Variants in SORCS1 observed in about 807,000 individuals in gnomAD.
SORCS1 encodes sortilin related VPS10 domain containing receptor 1, also known as VPS10 domain-containing receptor SorCS1.
In SORCS1, 60 loss-of-function variants were observed where a neutral mutation model predicts 146.1. The ratio of observed to expected loss-of-function variants is 0.41; its 90% CI spans 0.33 to 0.51. The LOEUF (loss-of-function observed/expected upper bound fraction) is 0.51, where lower values mean the gene tolerates loss of function less well. Among genes scored for constraint, SORCS1 ranks in the 20% least tolerant of loss-of-function variants. The probability of loss-of-function intolerance (pLI) is 0.21; values close to 1 mark genes in which losing one functional copy is unlikely to be tolerated. For synonymous variants in SORCS1, 637 were observed against 584.0 expected (o/e 1.09, Z -1.31); for missense variants, 1,352 against 1,487.6 (o/e 0.91, Z 1.50).
At chr10:106,985,609 C>T (rs192214646) in intron 1 of SORCS1, among the ~76,000 whole-genome samples, 15 of 150,222 alleles carry the variant, frequency 1.0e-4, no homozygotes, top group African/African-American at 3.7e-4. Context: ...GATCTTGGCT[C>T]ACTGCAGCCT....
intron 1 of SORCS1, among the ~76,000 whole-genome samples, chr10:106,975,344 G>A (rs993810502): frequency 3.9e-5 from 6 of 152,200 alleles, no homozygotes; most frequent in African/African-American, 1.2e-4. Flanking sequence ...GAAATGTCAT[G>A]AATCTGACGC....
upstream of SORCS1, among the ~76,000 whole-genome samples, chr10:107,168,626 C>T (rs140549306): frequency 1.1e-3 from 159 of 150,322 alleles, 1 homozygote; most frequent in Middle Eastern, 0.025. Flanking sequence ...TACTCTATGC[C>T]AGAAACTATG....
chr10:107,020,813 C>A (rs1958093702), intron 1 of SORCS1, among the ~76,000 whole-genome samples: 1 of 152,190 alleles, frequency 6.6e-6, no homozygotes, highest in Non-Finnish European at 1.5e-5. Flanking sequence ...CACAGAGCAG[C>A]AATCCCTAAA....
At chr10:107,168,257 C>T (rs1431472461), upstream of SORCS1, among the ~76,000 whole-genome samples, 3 of 152,154 alleles carry the variant, frequency 2.0e-5, no homozygotes. Flanking sequence ...TTTTTGAGAC[C>T]TTCACTTTAA....
At chr10:107,113,902 A>G (rs577132001) in intron 1 of SORCS1, among the ~76,000 whole-genome samples, 6 of 152,086 alleles carry the variant, frequency 3.9e-5, no homozygotes, top group African/African-American at 1.2e-4. Context: ...ACAAAGCTTT[A>G]ACTAGGTTAA....
intron 1 of SORCS1, among the ~76,000 whole-genome samples, chr10:107,132,860 A>AT (rs34635030): frequency 0.089 from 13,416 of 150,738 alleles, 675 homozygotes; most frequent in African/African-American, 0.15. Context: ...TTCAAAAATA[A>AT]AAAAAAATAA....
intron 3 of SORCS1, among the ~76,000 whole-genome samples, chr10:106,811,352 G>C (rs1947448674): frequency 6.6e-6 from 1 of 152,142 alleles, no homozygotes; most frequent in African/African-American, 2.4e-5. Flanking sequence ...ATGTAACCAA[G>C]AGTTTCACTG....
intron 1 of SORCS1, among the ~76,000 whole-genome samples, chr10:107,005,600 A>G (rs75038404): frequency 1.3e-5 from 2 of 152,190 alleles, no homozygotes; most frequent in Non-Finnish European, 2.9e-5. Context: ...TACACTTTAT[A>G]ATAAATGTTA....
intron 1 of SORCS1, among the ~76,000 whole-genome samples, chr10:107,128,864 C>A (rs1966841660): frequency 6.6e-6 from 1 of 152,180 alleles, no homozygotes; most frequent in African/African-American, 2.4e-5. Context: ...GGTCTTACTC[C>A]CAGGTCGTGC....
intron 1 of SORCS1, among the ~76,000 whole-genome samples, chr10:107,073,888 T>C (rs1397154046): frequency 6.6e-6 from 1 of 151,944 alleles, no homozygotes; most frequent in Non-Finnish European, 1.5e-5. Context: ...TTTTTTAACA[T>C]AGAATTTATT....
chr10:107,048,634 C>T (rs1277594529), intron 1 of SORCS1, among the ~76,000 whole-genome samples: 4 of 152,054 alleles, frequency 2.6e-5, no homozygotes, highest in Admixed American at 6.5e-5. Context: ...AGATGGAAAA[C>T]GTCTCATGAC....
chr10:106,784,637 A>T (rs1340520965), intron 3 of SORCS1, among the ~76,000 whole-genome samples: 1 of 152,194 alleles, frequency 6.6e-6, no homozygotes, highest in Non-Finnish European at 1.5e-5. Context: ...ATAAATGCCA[A>T]AAGGTTACAT....
rs1227203905 is a variant in SORCS1, at chr10:106,977,905, T to C, written c.559-21325A>G. Among the ~76,000 whole-genome samples, 5 of 152,330 alleles carry C rather than the reference T, an allele frequency of 3.3e-5. No individual in the cohort carries two copies. The East Asian group carries it at 9.6e-4, about 29-fold the overall frequency. On this transcript the variant is annotated intron_variant, in intron 1 of 25. Coordinates refer to ENST00000263054, the MANE Select transcript of SORCS1 (RefSeq NM_052918.5). ...ATTGCTTTGCAAAATGGTAGCACATTCCCAAAATGTCAGAGTTCGAGTGCG... is the reference window on the plus strand; with the variant it reads ...ATTGCTTTGCAAAATGGTAGCACATCCCCAAAATGTCAGAGTTCGAGTGCG...
intron 1 of SORCS1, among the ~76,000 whole-genome samples, chr10:106,962,394 C>CAAAAAAAAAAA (rs60616146): frequency 1.3e-4 from 8 of 62,550 alleles, no homozygotes; most frequent in Non-Finnish European, 1.7e-4. Flanking sequence ...AACTCCATCT[C>CAAAAAAAAAAA]AAAAAAAAAA....
intron 1 of SORCS1, among the ~76,000 whole-genome samples, chr10:107,137,631 G>A (rs1967430763): frequency 6.6e-6 from 1 of 152,160 alleles, no homozygotes. Context: ...GCGAGGTTGA[G>A]GCGGGCAGAT....
chr10:106,641,012 A>G (rs1421664425), intron 18 of SORCS1, among the ~76,000 whole-genome samples: 1 of 152,166 alleles, frequency 6.6e-6, no homozygotes, highest in African/African-American at 2.4e-5. Context: ...TTCTTCTTGC[A>G]TCTGCCACAG....
chr10:106,665,243 C>T (rs1393402331), intron 17 of SORCS1, among the ~76,000 whole-genome samples: 3 of 152,234 alleles, frequency 2.0e-5, no homozygotes, highest in East Asian at 3.9e-4. Flanking sequence ...AAATGGAAGT[C>T]TCACCCCCTC....
At chr10:106,635,671 C>A (rs140805171) in intron 18 of SORCS1, among the ~76,000 whole-genome samples, 2 of 152,076 alleles carry the variant, frequency 1.3e-5, no homozygotes, top group Non-Finnish European at 2.9e-5. Context: ...TATACCTCTA[C>A]TATTACTATA....
chr10:107,074,251 T>G (rs1962691737), intron 1 of SORCS1, among the ~76,000 whole-genome samples: 1 of 152,176 alleles, frequency 6.6e-6, no homozygotes, highest in Non-Finnish European at 1.5e-5. Flanking sequence ...GTCTCCATAG[T>G]TTGGTCTTTT....
Sources: allele counts gnomAD v4.1 joint callset (sites outside exome capture counted in the v4.1 genomes callset), GRCh38; gene constraint gnomAD v4.1.1; transcripts MANE v1.5; gene names NCBI Gene and HGNC (gene_info 2026-07-23, HGNC 2026-07-21).